Variants in RBFOX1 observed in about 807,000 individuals in gnomAD.
The protein encoded by RBFOX1 is RNA binding protein fox-1 homolog 1.
Under a neutral mutation model 57.7 loss-of-function variants are expected in RBFOX1, and 8 were observed. That is an observed-to-expected ratio of 0.14 (90% CI 0.08 to 0.25). The LOEUF is 0.25. Among genes scored for constraint, RBFOX1 ranks in the 10% least tolerant of loss-of-function variants. The pLI, the probability that RBFOX1 is intolerant of heterozygous loss-of-function variation, is 1.00. For missense variants in RBFOX1, 611 were observed against 548.5 expected, an observed-to-expected ratio of 1.11 and a Z score of -1.14; for synonymous variants, 326 against 222.4, an observed-to-expected ratio of 1.47 and a Z score of -4.15.
chr16:5,997,063 G>A (rs58529219), intron 4 of RBFOX1, among the ~76,000 whole-genome samples: 6 of 62,088 alleles, frequency 9.7e-5, no homozygotes, highest in South Asian at 5.5e-4. Context: ...AAGCACCTCC[G>A]TCTCTGCTGG....
At chr16:7,216,910 A>G (rs927958675) in intron 4 of RBFOX1, among the ~76,000 whole-genome samples, 2 of 151,946 alleles carry the variant, frequency 1.3e-5, no homozygotes, top group African/African-American at 4.8e-5. Flanking sequence ...TTCCCATTTT[A>G]TACCCAAGGA....
At chr16:5,835,704 C>T (rs908305410) in intron 3 of RBFOX1, among the ~76,000 whole-genome samples, 1 of 152,218 alleles carries the variant, frequency 6.6e-6, no homozygotes, top group African/African-American at 2.4e-5. Flanking sequence ...TCTGCCACCC[C>T]CATAAAATGT....
intron 4 of RBFOX1, among the ~76,000 whole-genome samples, chr16:5,910,404 G>C (rs894943720): frequency 6.6e-6 from 1 of 152,222 alleles, no homozygotes; most frequent in Non-Finnish European, 1.5e-5. Flanking sequence ...CTTCAGCTCA[G>C]AATGCTTATG....
At chr16:7,168,459 G>C (rs2080021995) in intron 4 of RBFOX1, among the ~76,000 whole-genome samples, 1 of 152,108 alleles carries the variant, frequency 6.6e-6, no homozygotes, top group Non-Finnish European at 1.5e-5. Flanking sequence ...AACCTCATTG[G>C]CGAGCTCAAA....
intron 1 of RBFOX1, among the ~76,000 whole-genome samples, chr16:6,148,990 C>A (rs2152719564): frequency 6.6e-6 from 1 of 152,256 alleles, no homozygotes; most frequent in South Asian, 2.1e-4. Context: ...GGGCCTCACA[C>A]CTCATTTGTT....
At chr16:7,265,426 C>G (rs1210496063) in intron 4 of RBFOX1, among the ~76,000 whole-genome samples, 1 of 151,402 alleles carries the variant, frequency 6.6e-6, no homozygotes, top group African/African-American at 2.4e-5. Flanking sequence ...TCTTTTCTTT[C>G]CTTTATTCAT....
chr16:6,652,187 A>T (rs1477198726), intron 2 of RBFOX1, among the ~76,000 whole-genome samples: 1 of 152,200 alleles, frequency 6.6e-6, no homozygotes, highest in Non-Finnish European at 1.5e-5. Flanking sequence ...ACGGTGGCTC[A>T]CACCTGTAAT....
intron 4 of RBFOX1, among the ~76,000 whole-genome samples, chr16:7,230,420 G>A (rs2093431126): frequency 1.3e-5 from 2 of 152,028 alleles, no homozygotes; most frequent in South Asian, 4.2e-4. Context: ...TTATTCATCT[G>A]CCTGCCTCTA....
chr16:7,225,907 T>TAAATAG (rs761790895), intron 4 of RBFOX1, among the ~76,000 whole-genome samples: 1 of 131,192 alleles, frequency 7.6e-6, no homozygotes, highest in Non-Finnish European at 1.6e-5. Flanking sequence ...GTATAATAAA[T>TAAATAG]ATATATATAT....
intron 3 of RBFOX1, among the ~76,000 whole-genome samples, chr16:6,777,530 C>T: frequency 1.3e-5 from 2 of 152,082 alleles, no homozygotes; most frequent in East Asian, 3.9e-4. Flanking sequence ...TAATGCATTT[C>T]CCTGAGGGAA....
intron 4 of RBFOX1, among the ~76,000 whole-genome samples, chr16:7,277,259 A>G (rs1004331839): frequency 6.6e-6 from 1 of 152,258 alleles, no homozygotes; most frequent in African/African-American, 2.4e-5. Context: ...AAAGATGAGG[A>G]TGGATTTTCA....
At chr16:5,323,806 C>T (rs1161572884) in intron 1 of RBFOX1, among the ~76,000 whole-genome samples, 2 of 152,214 alleles carry the variant, frequency 1.3e-5, no homozygotes, top group African/African-American at 2.4e-5. Flanking sequence ...CTGCCCATCA[C>T]CAGGGTTCTG....
At chr16:5,250,187 G>T (rs537526192) in intron 1 of RBFOX1, among the ~76,000 whole-genome samples, 1 of 152,006 alleles carries the variant, frequency 6.6e-6, no homozygotes, top group East Asian at 1.9e-4. Context: ...ACTTCCTTTT[G>T]ATTTGCTTTT....
At chr16:7,375,161 A>T (rs1261153356) in intron 4 of RBFOX1, among the ~76,000 whole-genome samples, 1 of 152,248 alleles carries the variant, frequency 6.6e-6, no homozygotes, top group Non-Finnish European at 1.5e-5. Flanking sequence ...TGGTAGATTA[A>T]TATCATTATC....
intron 4 of RBFOX1, among the ~76,000 whole-genome samples, chr16:7,494,486 C>A (rs374250358): frequency 8.5e-5 from 13 of 152,218 alleles, no homozygotes; most frequent in East Asian, 1.9e-4. Flanking sequence ...ATTTTCCTAA[C>A]CCCCTGCACA....
At chr16:5,578,340 T>C (rs1435916983) in intron 2 of RBFOX1, among the ~76,000 whole-genome samples, 2 of 152,108 alleles carry the variant, frequency 1.3e-5, no homozygotes, top group African/African-American at 4.8e-5. Flanking sequence ...AGCCAAAATT[T>C]ACTTGTTGGG....
At chr16:7,680,373 G>A (rs890847446) in intron 14 of RBFOX1, among the ~76,000 whole-genome samples, 3 of 152,154 alleles carry the variant, frequency 2.0e-5, no homozygotes, top group African/African-American at 7.2e-5. Flanking sequence ...TATCTCCCCA[G>A]ACAGACAGAC....
intron 3 of RBFOX1, among the ~76,000 whole-genome samples, chr16:5,740,027 C>G (rs948498728): frequency 2.0e-5 from 3 of 152,234 alleles, no homozygotes; most frequent in Admixed American, 1.3e-4. Context: ...TGCTGCAGAA[C>G]TGCTCTCTTT....
Position 5,916,868 on chromosome 16 carries a change from G to T in RBFOX1, c.351+49533G>T, listed in dbSNP as rs189498943. ...CCAGGAGAGAGAAAGCTCTCCTGAC[G>T]GGGGAAAGCAGGTTTCCCAATGCCT... On this transcript the variant is annotated intron_variant, in intron 4 of 19. Transcript: ENST00000641259. Among the ~76,000 whole-genome samples the T allele has an allele frequency of 2.5e-3, 382 of 152,178 alleles. 3 individuals carry two copies. The highest frequency in any genetic ancestry group is 0.02 in the Middle Eastern group (6 of 294).
Sources: gnomAD v4.1 joint callset for allele counts (sites outside exome capture counted in the v4.1 genomes callset) on GRCh38, gnomAD v4.1.1 for gene constraint, MANE v1.5 for transcripts, NCBI Gene and HGNC (gene_info 2026-07-23, HGNC 2026-07-21) for gene names.